ZNF133: variants seen among roughly 807,000 people sequenced by gnomAD.
ZNF133 encodes zinc finger protein 133.
Under a neutral mutation model 54.9 loss-of-function variants are expected in ZNF133, and 26 were observed. The ratio of observed to expected loss-of-function variants is 0.47; its 90% CI spans 0.35 to 0.66. ZNF133 has a LOEUF of 0.66. ZNF133 is among the 30% of genes least tolerant of loss of function. The probability of loss-of-function intolerance (pLI) is 0.01; values close to 1 mark genes in which losing one functional copy is unlikely to be tolerated. For missense variants in ZNF133, 653 were observed against 820.8 expected (o/e 0.80, Z 2.50); for synonymous variants, 298 against 320.3 (o/e 0.93, Z 0.74).
chr20:18,311,703 C>A, intron 6 of ZNF133, among the ~76,000 whole-genome samples: 1 of 152,182 alleles, frequency 6.6e-6, no homozygotes, highest in Middle Eastern at 3.4e-3. Flanking sequence ...AATATTTATT[C>A]TTATAATGAT....
At chr20:18,308,454 T>C (rs1430656666) in intron 6 of ZNF133, among the ~76,000 whole-genome samples, 1 of 152,200 alleles carries the variant, frequency 6.6e-6, no homozygotes, top group Non-Finnish European at 1.5e-5. Context: ...TCCATTTATT[T>C]CTAAGTTTTT....
Position 18,316,833 on chromosome 20 carries a change from A to G in ZNF133, c.*17A>G. The G allele has an allele frequency of 3.8e-6, 6 of 1,587,416 alleles. No individual in the cohort carries two copies. The highest frequency in any genetic ancestry group is 3.4e-6 in the Non-Finnish European group (4 of 1,165,840). On this transcript the variant is annotated 3_prime_UTR_variant, in exon 7 of 7. Coordinates refer to ENST00000425686, the MANE Select transcript of ZNF133 (RefSeq NM_001352452.2). ...TCTCTCTGAAGGCAAAGATGGGGAC[A>G]AGGACTAAGAGTCAGAATGTTGACA...
chr20:18,316,749 G>T lies in ZNF133; in HGVS notation c.1898G>T (p.Arg633Ile), dbSNP rs2047604421. 1 of 1,614,208 alleles carries T rather than the reference G, an allele frequency of 6.2e-7. No individual in the cohort carries two copies. Among genetic ancestry groups the T allele is most frequent in the African/African-American group, 1.3e-5 (1 of 75,062 alleles). Residue 633 changes from arginine to isoleucine, a missense_variant, in exon 7 of 7, where the codon AGA becomes ATA. Arg to Ile is a moderately conservative substitution (Grantham distance 97). Transcript: ENST00000425686. Reference sequence around the variant, plus strand: ...AGGAAGACCACGTCTGTCCACCACAGACTGCCAGTGCAGCCCGACCCTGAG... The same window carrying T: ...AGGAAGACCACGTCTGTCCACCACATACTGCCAGTGCAGCCCGACCCTGAG... ...RHRKTTSVHH[R>I]LPVQPDPEPC...
At chr20:18,296,629 A>G (rs1268830720) in intron 1 of ZNF133, among the ~76,000 whole-genome samples, 2 of 152,184 alleles carry the variant, frequency 1.3e-5, no homozygotes, top group African/African-American at 4.8e-5. Context: ...ATACTATTCC[A>G]TTGTATGTAC....
At chr20:18,296,081 T>G (rs2042177440) in intron 1 of ZNF133, among the ~76,000 whole-genome samples, 1 of 152,150 alleles carries the variant, frequency 6.6e-6, no homozygotes, top group South Asian at 2.1e-4. Context: ...ACTTTCTTCT[T>G]CTCCTGTGTC....
intron 6 of ZNF133, among the ~76,000 whole-genome samples, chr20:18,308,298 TA>T (rs1752144959): frequency 6.6e-6 from 1 of 152,218 alleles, no homozygotes; most frequent in Admixed American, 6.5e-5. Context: ...TTGTTTTTAT[TA>T]AATTGATTAA....
chr20:18,299,662 A>C (rs758328423), intron 3 of ZNF133, among the ~76,000 whole-genome samples: 7 of 152,212 alleles, frequency 4.6e-5, no homozygotes, highest in Non-Finnish European at 1.0e-4. Context: ...TCAAAAGCCA[A>C]AGGTAACAGA....
At chr20:18,314,805 A>G (rs1600596408) in intron 6 of ZNF133, 1 of 389,726 alleles carries the variant, frequency 2.6e-6, no homozygotes, top group East Asian at 3.9e-5. Context: ...GAACTGTTCC[A>G]TACTGGCCCT....
At chr20:18,306,556 C>T (rs1274854105) in intron 6 of ZNF133, 163 bp downstream of exon 6, 4 of 867,820 alleles carry the variant, frequency 4.6e-6, no homozygotes, top group Non-Finnish European at 7.0e-6. Flanking sequence ...TCTCCATCTT[C>T]ATTCGAGTAT....
intron 1 of ZNF133, among the ~76,000 whole-genome samples, chr20:18,292,360 C>T (rs1296346992): frequency 1.3e-5 from 2 of 152,196 alleles, no homozygotes; most frequent in Non-Finnish European, 2.9e-5. Context: ...TTACTCTTGG[C>T]CTTCATCTGT....
chr20:18,304,849 T>G (rs1371054277), intron 3 of ZNF133, among the ~76,000 whole-genome samples, 159 bp from the exon 4 acceptor site: 2 of 152,160 alleles, frequency 1.3e-5, no homozygotes, highest in Non-Finnish European at 2.9e-5. Context: ...TGCCTACATT[T>G]TGGCTTTGTC....
At chr20:18,314,994 A>T in intron 6 of ZNF133, 75 bp from the exon 7 acceptor site, 1 of 1,448,614 alleles carries the variant, frequency 6.9e-7, no homozygotes, top group Non-Finnish European at 9.2e-7. Flanking sequence ...TTTGAAGCCT[A>T]GGGGATCTGA....
At chr20:18,307,674 TC>T (rs1269043009) in intron 6 of ZNF133, among the ~76,000 whole-genome samples, 1 of 152,186 alleles carries the variant, frequency 6.6e-6, no homozygotes, top group African/African-American at 2.4e-5. Flanking sequence ...AGGTTATAGA[TC>T]CTTTCCATAT....
Position 18,298,311 on chromosome 20 carries a change from G to C in ZNF133, c.-331G>C. On this transcript the variant is annotated 5_prime_UTR_variant, in exon 3 of 7. Coordinates refer to ENST00000425686, the MANE Select transcript of ZNF133 (RefSeq NM_001352452.2). ...CAGCTTCAAAAGTTCTGCTGCCTGA[G>C]AGTAACGTCACAGTAATGGAACGGG... is the stretch of plus-strand genomic sequence containing the variant. The C allele has an allele frequency of 1.5e-6, 2 of 1,342,364 alleles. No homozygotes were observed. Among genetic ancestry groups the C allele is most frequent in the Non-Finnish European group, 1.9e-6 (2 of 1,048,120 alleles). 83.2% of individuals were successfully genotyped at this position (1,342,364 alleles called of 1,614,324 possible).
intron 3 of ZNF133, 64 bp from the exon 4 acceptor site, chr20:18,304,944 C>A: frequency 1.1e-6 from 1 of 948,546 alleles, no homozygotes; most frequent in Non-Finnish European, 1.3e-6. Flanking sequence ...TTGATTCCAA[C>A]CCATTCTCCA....
Position 18,315,054 on chromosome 20 carries a change from C to T in ZNF133, c.218-15C>T. On this transcript the variant is annotated splice_polypyrimidine_tract_variant and intron_variant, in intron 6 of 6. Coordinates refer to ENST00000425686, the MANE Select transcript of ZNF133 (RefSeq NM_001352452.2). The stretch of plus-strand genomic sequence containing the variant: ...ACTGAGGACTCAGTTGTGACTCACA[C>T]TTTTCTCTCTGCAGCAGATCCAGAG... 6.6e-7 allele frequency: 1 copy of T among 1,519,536 alleles called. No individual in the cohort carries two copies. Among genetic ancestry groups the T allele is most frequent in the Non-Finnish European group, 8.8e-7 (1 of 1,135,376 alleles). The allele number at this position is 1,519,536 out of a possible 1,614,324, so 94.1% of individuals were successfully genotyped here.
At chr20:18,299,947 C>T (rs2043032646) in intron 3 of ZNF133, among the ~76,000 whole-genome samples, 3 of 152,100 alleles carry the variant, frequency 2.0e-5, no homozygotes, top group Non-Finnish European at 4.4e-5. Flanking sequence ...GAAATATTAA[C>T]AAGAGTCTTT....
intron 1 of ZNF133, 30 bp from the exon 2 acceptor site, chr20:18,297,953 GAC>G (rs1347553633): frequency 8.5e-6 from 12 of 1,418,548 alleles, no homozygotes; most frequent in Non-Finnish European, 1.1e-5. Flanking sequence ...ATTTCTACCT[GAC>G]ACCCTCCCAT....
At chr20:18,297,951 C>G in intron 1 of ZNF133, 34 bp from the exon 2 acceptor site, 3 of 1,419,784 alleles carry the variant, frequency 2.1e-6, no homozygotes, top group Non-Finnish European at 1.9e-6. Flanking sequence ...GCATTTCTAC[C>G]TGACACCCTC....
Sources: gnomAD v4.1 joint callset for allele counts (sites outside exome capture counted in the v4.1 genomes callset) on GRCh38, gnomAD v4.1.1 for gene constraint, MANE v1.5 for transcripts, NCBI Gene and HGNC (gene_info 2026-07-23, HGNC 2026-07-21) for gene names.